MCTP2: variants seen among roughly 807,000 people sequenced by gnomAD.
MCTP2 encodes multiple C2 and transmembrane domain containing 2.
In MCTP2, 132 loss-of-function variants were observed where a neutral mutation model predicts 111.6. The observed-to-expected ratio is 1.18, with a 90% CI of 1.03 to 1.37. The LOEUF (loss-of-function observed/expected upper bound fraction) is 1.37, where lower values mean the gene tolerates loss of function less well. Among genes scored for constraint, MCTP2 ranks in the 40% most tolerant of loss-of-function variants. MCTP2 has a pLI of 0.00. For missense variants in MCTP2, 1,183 were observed against 1,067.9 expected (o/e 1.11, Z -1.50); for synonymous variants, 395 against 387.7 (o/e 1.02, Z -0.22).
intron 2 of MCTP2, among the ~76,000 whole-genome samples, chr15:94,309,643 C>T (rs936047661): frequency 1.3e-5 from 2 of 152,114 alleles, no homozygotes; most frequent in Non-Finnish European, 2.9e-5. Flanking sequence ...TCTCAAAGTC[C>T]TTGGTGACTA....
intron 19 of MCTP2, among the ~76,000 whole-genome samples, chr15:94,456,987 A>T (rs1489848217): frequency 6.6e-6 from 1 of 152,254 alleles, no homozygotes; most frequent in Non-Finnish European, 1.5e-5. Context: ...AATGGAACAA[A>T]GGATACAAGA....
At chr15:94,466,214 C>G (rs775745441) in intron 20 of MCTP2, among the ~76,000 whole-genome samples, 1 of 152,014 alleles carries the variant, frequency 6.6e-6, no homozygotes, top group Non-Finnish European at 1.5e-5. Context: ...ATTTCAATAT[C>G]TGAAATCTTT....
At chr15:94,341,667 T>A (rs2077647272) in intron 7 of MCTP2, 2 of 152,144 alleles carry the variant, frequency 1.3e-5, no homozygotes, top group Admixed American at 1.3e-4. Context: ...TTGTAGCTTT[T>A]TATGATGAAA....
intron 14 of MCTP2, among the ~76,000 whole-genome samples, chr15:94,388,675 G>A (rs1395942451): frequency 1.3e-5 from 2 of 151,954 alleles, no homozygotes; most frequent in African/African-American, 4.8e-5. Flanking sequence ...ATAGAATAGT[G>A]AACTAGCAAG....
chr15:94,367,873 G>A, intron 11 of MCTP2, 82 bp downstream of exon 11: 1 of 1,241,240 alleles, frequency 8.1e-7, no homozygotes, highest in Non-Finnish European at 1.1e-6. Flanking sequence ...CAAAGTCTCT[G>A]AATTGAAAAA....
intron 1 of MCTP2, among the ~76,000 whole-genome samples, chr15:94,233,122 A>C (rs2070305258): frequency 6.6e-6 from 1 of 152,144 alleles, no homozygotes; most frequent in South Asian, 2.1e-4. Context: ...AAGAATTCAA[A>C]TTTATATTCA....
intron 14 of MCTP2, among the ~76,000 whole-genome samples, chr15:94,387,681 G>C (rs1264973123): frequency 1.3e-5 from 2 of 152,152 alleles, no homozygotes; most frequent in Non-Finnish European, 2.9e-5. Context: ...TCCTCTCTTG[G>C]AGCTTTTGTT....
intron 20 of MCTP2, among the ~76,000 whole-genome samples, chr15:94,464,781 T>C (rs1014469236): frequency 6.6e-6 from 1 of 152,048 alleles, no homozygotes; most frequent in Non-Finnish European, 1.5e-5. Flanking sequence ...GGCTAAGATA[T>C]GTATTGCTAA....
At chr15:94,451,927 C>T (rs2084487646) in intron 19 of MCTP2, among the ~76,000 whole-genome samples, 1 of 152,158 alleles carries the variant, frequency 6.6e-6, no homozygotes, top group Non-Finnish European at 1.5e-5. Flanking sequence ...GTTTATGAAG[C>T]ACCTGGAATA....
At chr15:94,262,627 A>G (rs2073251775) in intron 1 of MCTP2, among the ~76,000 whole-genome samples, 1 of 151,894 alleles carries the variant, frequency 6.6e-6, no homozygotes, top group Non-Finnish European at 1.5e-5. Flanking sequence ...GGAGTTGGGC[A>G]TATAACTCTC....
intron 19 of MCTP2, 62 bp downstream of exon 19, chr15:94,443,022 C>G: frequency 7.4e-7 from 1 of 1,352,660 alleles, no homozygotes; most frequent in Non-Finnish European, 1.0e-6. Context: ...AGATAGCATT[C>G]CTTCAGGTTG....
chr15:94,266,424 A>G (rs1271558201), intron 1 of MCTP2, among the ~76,000 whole-genome samples: 4 of 152,324 alleles, frequency 2.6e-5, no homozygotes, highest in Middle Eastern at 3.4e-3. Flanking sequence ...TCACTGTTGC[A>G]TTCTCAGCAC....
intron 2 of MCTP2, among the ~76,000 whole-genome samples, chr15:94,304,147 T>A (rs1294507475): frequency 6.6e-6 from 1 of 152,182 alleles, no homozygotes; most frequent in African/African-American, 2.4e-5. Context: ...AATTAAATAC[T>A]TTGAAGACTC....
chr15:94,293,773 T>C (rs1342682074), intron 1 of MCTP2, among the ~76,000 whole-genome samples: 3 of 152,228 alleles, frequency 2.0e-5, no homozygotes, highest in Non-Finnish European at 4.4e-5. Flanking sequence ...GGAATGCAAA[T>C]TGGTCTGTTA....
intron 4 of MCTP2, among the ~76,000 whole-genome samples, chr15:94,334,671 G>A (rs1300483247): frequency 2.0e-5 from 3 of 151,964 alleles, no homozygotes; most frequent in Non-Finnish European, 2.9e-5. Context: ...GAGTAGCTGG[G>A]ACCACAGGCA....
chr15:94,406,858 G>GTTT (rs199663326), intron 17 of MCTP2, among the ~76,000 whole-genome samples: 4 of 132,078 alleles, frequency 3.0e-5, no homozygotes, highest in East Asian at 2.2e-4. Flanking sequence ...CTTTTCAGTT[G>GTTT]TTTTTTTTTT....
chr15:94,466,742 C>G (rs1020401189), intron 20 of MCTP2, among the ~76,000 whole-genome samples: 2 of 152,068 alleles, frequency 1.3e-5, no homozygotes, highest in African/African-American at 2.4e-5. Flanking sequence ...GCTTAGTTAC[C>G]TCCAAGAGTT....
rs557113362 is a variant in MCTP2, at chr15:94,479,642, G to A, written c.*608G>A. 1 of 152,232 alleles carries A rather than the reference G, an allele frequency of 6.6e-6. No individual in the cohort carries two copies. Among genetic ancestry groups the A allele is most frequent in the Non-Finnish European group, 1.5e-5 (1 of 68,154 alleles). The allele number at this position is 152,232 out of a possible 1,614,324, so 9.4% of individuals were successfully genotyped here. A position where few individuals can be genotyped will look rare whatever the true frequency, so the allele number is the denominator to read the frequency against. ...ATGTGAATTTTTGGGAAACCTCTCG[G>A]TGCTGGATGCCAGCCTACAGCAGGG... On this transcript the variant is annotated 3_prime_UTR_variant, in exon 23 of 23. Transcript: ENST00000357742.
intron 1 of MCTP2, among the ~76,000 whole-genome samples, chr15:94,258,055 T>C (rs2072944450): frequency 6.7e-6 from 1 of 148,358 alleles, no homozygotes; most frequent in Non-Finnish European, 1.5e-5. Context: ...TTTTTTTTTT[T>C]AGTAGAGATG....
Sources: gnomAD v4.1 joint callset for allele counts (sites outside exome capture counted in the v4.1 genomes callset) on GRCh38, gnomAD v4.1.1 for gene constraint, MANE v1.5 for transcripts, NCBI Gene and HGNC (gene_info 2026-07-23, HGNC 2026-07-21) for gene names.